Variants in NTM observed in about 807,000 individuals in gnomAD.
NTM encodes neurotrimin.
NTM carries 13 observed loss-of-function variants against 42.1 expected under a neutral mutation model. The ratio of observed to expected loss-of-function variants is 0.31; its 90% CI spans 0.20 to 0.49. NTM has a LOEUF of 0.49. Ranked by LOEUF, NTM falls within the 20% of genes least tolerant of loss-of-function variation. The pLI is 0.99. For synonymous variants in NTM, 187 were observed against 179.2 expected, an observed-to-expected ratio of 1.04 and a Z score of -0.35; for missense variants, 373 against 452.8, an observed-to-expected ratio of 0.82 and a Z score of 1.60.
Position 132,023,676 on chromosome 11 carries a change from G to A in NTM, c.167+112028G>A, listed in dbSNP as rs188392918. ...CAGCGTTATTGCAAGCACTAGAATT[G>A]AGGGGATAGAGGGAAGATATGCTTT... On this transcript the variant is annotated intron_variant, in intron 2 of 8. Transcript: ENST00000683400. Among the ~76,000 whole-genome samples the A allele has an allele frequency of 1.4e-3, 215 of 152,202 alleles. 1 individual carries two copies. The highest frequency in any genetic ancestry group is 5.1e-3 in the African/African-American group (210 of 41,514).
Position 132,324,631 on chromosome 11 carries a change from C to G in NTM, c.935-5522C>G, listed in dbSNP as rs1448484250. Among the ~76,000 whole-genome samples, 5 of 133,390 alleles carry G rather than the reference C, an allele frequency of 3.7e-5. No individual in the cohort carries two copies. The South Asian group carries it at 1.2e-3, about 33-fold the overall frequency. The allele number at this position is 133,390 out of a possible 152,430, so 87.5% of individuals were successfully genotyped here. A position where few individuals can be genotyped will look rare whatever the true frequency, so the allele number is the denominator to read the frequency against. On this transcript the variant is annotated intron_variant, in intron 7 of 8. Coordinates refer to ENST00000683400, the MANE Select transcript of NTM (RefSeq NM_001352005.2). Reference sequence around the variant, plus strand: ...TTTACAGATTCAATGCCATCCCCATCAAGCTACCAATGACTTTCTTCACAG... The same window carrying G: ...TTTACAGATTCAATGCCATCCCCATGAAGCTACCAATGACTTTCTTCACAG...
intron 1 of NTM, among the ~76,000 whole-genome samples, chr11:131,649,941 C>G (rs1024142044): frequency 1.3e-5 from 2 of 152,150 alleles, no homozygotes; most frequent in African/African-American, 4.8e-5. Context: ...ACAGTGGTGC[C>G]AGGGCAGTTG....
chr11:131,773,869 T>C (rs2086542370), intron 1 of NTM: 1 of 297,098 alleles, frequency 3.4e-6, no homozygotes, highest in African/African-American at 2.3e-5. Context: ...CTTCCATCGT[T>C]TTATTGCATG....
intron 1 of NTM, among the ~76,000 whole-genome samples, chr11:131,397,105 A>G (rs1457258027): frequency 6.6e-6 from 1 of 152,176 alleles, no homozygotes; most frequent in Non-Finnish European, 1.5e-5. Flanking sequence ...TTGTCAAGTG[A>G]CATGCCCCAG....
At chr11:131,867,644 GTATC>G (rs2047363527) in intron 1 of NTM, among the ~76,000 whole-genome samples, 1 of 152,000 alleles carries the variant, frequency 6.6e-6, no homozygotes, top group African/African-American at 2.4e-5. Flanking sequence ...TTATGTCTGT[GTATC>G]TGTATGTATA....
intron 2 of NTM, among the ~76,000 whole-genome samples, chr11:132,138,367 C>A (rs974057849): frequency 1.3e-5 from 2 of 152,068 alleles, no homozygotes; most frequent in African/African-American, 2.4e-5. Context: ...TTAAGCTTGA[C>A]CTTGGTGTGG....
At chr11:131,610,717 A>G (rs2061400919) in intron 1 of NTM, among the ~76,000 whole-genome samples, 1 of 152,200 alleles carries the variant, frequency 6.6e-6, no homozygotes, top group Non-Finnish European at 1.5e-5. Flanking sequence ...GGCAGGGGGT[A>G]AGACCACACT....
chr11:131,875,024 C>A (rs1592450024), intron 1 of NTM, among the ~76,000 whole-genome samples: 1 of 152,200 alleles, frequency 6.6e-6, no homozygotes, highest in African/African-American at 2.4e-5. Context: ...CGGCCAAAGG[C>A]AAGAATAGAG....
At chr11:131,873,702 TATATATAC>T (rs2048136722) in intron 1 of NTM, among the ~76,000 whole-genome samples, 4 of 141,558 alleles carry the variant, frequency 2.8e-5, no homozygotes, top group Non-Finnish European at 4.6e-5. Context: ...CACACATATA[TATATATAC>T]ACACACACAC....
At chr11:132,045,948 C>T (rs767903694) in intron 2 of NTM, among the ~76,000 whole-genome samples, 3 of 152,166 alleles carry the variant, frequency 2.0e-5, no homozygotes, top group Non-Finnish European at 2.9e-5. Flanking sequence ...CTGCTATTCT[C>T]GTTCTGCATA....
intron 1 of NTM, among the ~76,000 whole-genome samples, chr11:131,802,574 T>C (rs986562365): frequency 6.6e-6 from 1 of 152,104 alleles, no homozygotes; most frequent in East Asian, 1.9e-4. Flanking sequence ...TGGTAAGTGA[T>C]GCGTGGGGGT....
intron 4 of NTM, among the ~76,000 whole-genome samples, chr11:132,274,524 G>A (rs1276960863): frequency 6.6e-6 from 1 of 151,782 alleles, no homozygotes; most frequent in African/African-American, 2.4e-5. Context: ...AGTTTCCTTT[G>A]GCTCATTGGT....
At chr11:132,073,111 T>C (rs2057918183) in intron 2 of NTM, among the ~76,000 whole-genome samples, 2 of 152,258 alleles carry the variant, frequency 1.3e-5, no homozygotes, top group African/African-American at 4.8e-5. Flanking sequence ...GGGCTTTGTG[T>C]CACTGGCATC....
chr11:131,583,145 C>T (rs1306079849), intron 1 of NTM, among the ~76,000 whole-genome samples: 3 of 152,142 alleles, frequency 2.0e-5, no homozygotes, highest in Non-Finnish European at 4.4e-5. Context: ...GTCCTCAGTA[C>T]CAACAGAGCA....
At chr11:131,956,724 G>A (rs1451236997) in intron 2 of NTM, among the ~76,000 whole-genome samples, 1 of 150,474 alleles carries the variant, frequency 6.6e-6, no homozygotes, top group Non-Finnish European at 1.5e-5. Flanking sequence ...TTGTCTTCTA[G>A]CCAGGTAGCT....
rs1482635455 is a variant in NTM, at chr11:132,310,376, G to A, written c.782+144G>A. ...CTATAGGGGGCAAATGTGCAAAGAA[G>A]TCTTTTCTTAACATTAATGGATTTC... On this transcript the variant is annotated intron_variant, in intron 6 of 8. Coordinates refer to ENST00000683400, the MANE Select transcript of NTM (RefSeq NM_001352005.2). The A allele has an allele frequency of 8.1e-6, 6 of 739,250 alleles. No homozygotes were observed. The African/African-American group carries it at 1.1e-4, about 13-fold the overall frequency. 45.8% of individuals were successfully genotyped at this position (739,250 alleles called of 1,614,324 possible).
chr11:132,034,473 T>G (rs2076275956), intron 2 of NTM, among the ~76,000 whole-genome samples: 1 of 152,218 alleles, frequency 6.6e-6, no homozygotes, highest in African/African-American at 2.4e-5. Flanking sequence ...GATCTGTGGC[T>G]GGAAGATTAG....
chr11:131,744,733 C>T (rs11222765), intron 1 of NTM, among the ~76,000 whole-genome samples: 5,756 of 152,190 alleles, frequency 0.038, 126 homozygotes, highest in South Asian at 0.067. Flanking sequence ...TACATACTTA[C>T]CCTCAAACCC....
At chr11:131,429,694 C>T (rs928286907) in intron 1 of NTM, among the ~76,000 whole-genome samples, 1 of 152,120 alleles carries the variant, frequency 6.6e-6, no homozygotes, top group Non-Finnish European at 1.5e-5. Flanking sequence ...GTCTCTCGTG[C>T]AAACAAATGG....
Sources: gnomAD v4.1 joint callset for allele counts (sites outside exome capture counted in the v4.1 genomes callset) on GRCh38, gnomAD v4.1.1 for gene constraint, MANE v1.5 for transcripts, NCBI Gene and HGNC (gene_info 2026-07-23, HGNC 2026-07-21) for gene names.